Variants in SLC25A14 observed in about 807,000 individuals in gnomAD.
SLC25A14 encodes solute carrier family 25 member 14, also known as brain mitochondrial carrier protein 1.
In SLC25A14, 8 loss-of-function variants were observed where a neutral mutation model predicts 28.1. The ratio of observed to expected loss-of-function variants is 0.28; its 90% CI spans 0.17 to 0.51. The LOEUF is 0.51. SLC25A14 is among the 20% of genes least tolerant of loss of function. The pLI is 0.97. For synonymous variants in SLC25A14, 74 were observed against 90.6 expected, an observed-to-expected ratio of 0.82 and a Z score of 1.04; for missense variants, 135 against 263.8, an observed-to-expected ratio of 0.51 and a Z score of 3.38.
chrX:130,351,191 T>C (rs192769261), intron 6 of SLC25A14, among the ~76,000 whole-genome samples: 70 of 111,846 alleles, frequency 6.3e-4, no homozygotes, highest in African/African-American at 2.2e-3. Flanking sequence ...CGTCCCCACC[T>C]ATTCTAAATC....
intron 7 of SLC25A14, among the ~76,000 whole-genome samples, chrX:130,361,224 A>G (rs1224556702): frequency 1.8e-5 from 2 of 112,606 alleles, no homozygotes; most frequent in Admixed American, 9.4e-5. Flanking sequence ...CCTATTGTGA[A>G]TAATGCTGCT....
At chrX:130,355,439 T>C (rs2033760490) in intron 6 of SLC25A14, among the ~76,000 whole-genome samples, 1 of 112,098 alleles carries the variant, frequency 8.9e-6, no homozygotes, top group African/African-American at 3.2e-5. Context: ...ACAGTGAACG[T>C]CTTTGTACAC....
rs774720938 is a variant in SLC25A14 at position 130,339,983 on chromosome X, G to T, written c.-173+7G>T. 75 of 911,687 alleles carry T rather than the reference G, an allele frequency of 8.2e-5. No homozygotes were observed. Among genetic ancestry groups the T allele is most frequent in the South Asian group, 1.2e-4 (3 of 24,715 alleles). 75.1% of individuals were successfully genotyped at this position (911,687 alleles called of 1,213,427 possible). ...GTCCGATGAGCCCGAGCAGGTGAGG[G>T]GGAGCTCCTGGACTTCCAGGCTGGG... On this transcript the variant is annotated splice_region_variant and intron_variant, in intron 1 of 10. Transcript: ENST00000545805.
In SLC25A14 at chrX:130,358,696, C is replaced by T. The variant is rs766105109; in HGVS notation, c.555C>T (p.Ile185=). The T allele has an allele frequency of 1.2e-5, 14 of 1,201,282 alleles. No homozygotes were observed. Among genetic ancestry groups the T allele is most frequent in the Admixed American group, 4.4e-5 (2 of 45,612 alleles). Residue 185 remains isoleucine (I), a synonymous_variant, in exon 7 of 11, where the codon ATC becomes ATT. Transcript: ENST00000545805. The part of the protein sequence containing the change: ...LFQGSMIGSF[I]DIYQQEGTRG... The stretch of plus-strand genomic sequence containing the variant: ...AAGGGAGCATGATTGGAAGCTTTAT[C>T]GATATATACCAACAAGAAGGCACCA...
At chrX:130,370,065 G>T (rs776351824) in intron 9 of SLC25A14, among the ~76,000 whole-genome samples, 1 of 111,711 alleles carries the variant, frequency 9.0e-6, no homozygotes, top group African/African-American at 3.3e-5. Flanking sequence ...CTAGGTTCTA[G>T]GTTATTCACA....
At chrX:130,357,021 C>T (rs755749456) in intron 6 of SLC25A14, among the ~76,000 whole-genome samples, 4 of 111,703 alleles carry the variant, frequency 3.6e-5, no homozygotes, top group Admixed American at 9.5e-5. Flanking sequence ...CCTTTGTGCA[C>T]GTAACACTTT....
chrX:130,359,010 A>G, intron 7 of SLC25A14: 3 of 1,036,034 alleles, frequency 2.9e-6, no homozygotes, highest in Non-Finnish European at 3.8e-6. Flanking sequence ...ATTTTTTTGC[A>G]AGTTCTGTAC....
intron 7 of SLC25A14, among the ~76,000 whole-genome samples, chrX:130,360,919 C>T (rs1408913684): frequency 9.0e-6 from 1 of 111,471 alleles, no homozygotes; most frequent in East Asian, 2.8e-4. Context: ...AACTCTATAC[C>T]CATGAAGCAA....
At chrX:130,369,657 G>A (rs1022043311) in intron 9 of SLC25A14, among the ~76,000 whole-genome samples, 1 of 111,845 alleles carries the variant, frequency 8.9e-6, no homozygotes, top group African/African-American at 3.3e-5. Context: ...GGCCATGAGA[G>A]CTGGGAGAAA....
chrX:130,349,955 A>G, intron 5 of SLC25A14: 1 of 110,491 alleles, frequency 9.1e-6, no homozygotes, highest in African/African-American at 3.3e-5. Context: ...GTTCTCTTCC[A>G]CCTCTTTCTG....
intron 4 of SLC25A14, among the ~76,000 whole-genome samples, chrX:130,348,531 A>G (rs961193472): frequency 9.1e-6 from 1 of 110,179 alleles, no homozygotes; most frequent in African/African-American, 3.3e-5. Flanking sequence ...TTGTAGTGCT[A>G]GTCCCTGTTT....
At chrX:130,355,005 C>CA (rs2033746493) in intron 6 of SLC25A14, among the ~76,000 whole-genome samples, 1 of 112,127 alleles carries the variant, frequency 8.9e-6, no homozygotes, top group African/African-American at 3.2e-5. Context: ...TTATTGTATG[C>CA]AATAAGAGAA....
At chrX:130,344,164 G>A (rs750624496) in intron 2 of SLC25A14, among the ~76,000 whole-genome samples, 3 of 112,581 alleles carry the variant, frequency 2.7e-5, no homozygotes, top group South Asian at 7.3e-4. Flanking sequence ...AATGCCTAGA[G>A]CAGTTCTTAA....
intron 7 of SLC25A14, among the ~76,000 whole-genome samples, chrX:130,362,077 C>CAT (rs2033983826): frequency 9.1e-6 from 1 of 109,809 alleles, no homozygotes; most frequent in African/African-American, 3.3e-5. Context: ...AACATCTTGG[C>CAT]ATAGCTGTGT....
At chrX:130,355,952 T>C (rs1294139856) in intron 6 of SLC25A14, among the ~76,000 whole-genome samples, 2 of 111,511 alleles carry the variant, frequency 1.8e-5, no homozygotes, top group Non-Finnish European at 3.8e-5. Context: ...AAAGGGAAGG[T>C]TTCTGTAAAG....
intron 6 of SLC25A14, among the ~76,000 whole-genome samples, chrX:130,354,530 A>G (rs1212830559): frequency 8.9e-6 from 1 of 112,194 alleles, no homozygotes; most frequent in Non-Finnish European, 1.9e-5. Flanking sequence ...TATCTCTCTC[A>G]TGTAACCATC....
intron 6 of SLC25A14, among the ~76,000 whole-genome samples, chrX:130,351,872 G>C (rs1445465429): frequency 9.0e-6 from 1 of 111,618 alleles, no homozygotes; most frequent in Non-Finnish European, 1.9e-5. Flanking sequence ...TAAAATGATA[G>C]TAATTTACAG....
At chrX:130,365,789 T>A (rs1166260221) in intron 9 of SLC25A14, 113 bp downstream of exon 9, 3 of 555,066 alleles carry the variant, frequency 5.4e-6, no homozygotes, top group African/African-American at 4.7e-5. Flanking sequence ...AGAATCATAT[T>A]TTTTTAGTAG....
At chrX:130,370,998 C>T (rs1328786128) in intron 9 of SLC25A14, among the ~76,000 whole-genome samples, 2 of 111,715 alleles carry the variant, frequency 1.8e-5, no homozygotes, top group Non-Finnish European at 3.8e-5. Context: ...CATCTAAAGC[C>T]TTGACAGGCT....
Sources: allele counts gnomAD v4.1 joint callset (sites outside exome capture counted in the v4.1 genomes callset), GRCh38; gene constraint gnomAD v4.1.1; transcripts MANE v1.5; gene names NCBI Gene and HGNC (gene_info 2026-07-23, HGNC 2026-07-21).